The following DPP6 variants were observed in gnomAD, a reference collection of about 807,000 sequenced individuals.
The protein encoded by DPP6 is dipeptidyl peptidase like 6.
Under a neutral mutation model 122.6 loss-of-function variants are expected in DPP6, and 69 were observed. The observed-to-expected ratio is 0.56, with a 90% CI of 0.46 to 0.69. DPP6 has a LOEUF of 0.69. DPP6 is among the 30% of genes least tolerant of loss of function. The pLI is 0.00. For missense variants in DPP6, 928 were observed against 1,116.9 expected (o/e 0.83, Z 2.41); for synonymous variants, 418 against 433.1 (o/e 0.97, Z 0.43).
rs190423238 is a variant in DPP6, at chr7:154,401,243, G to A, written c.244-44971G>A. On this transcript the variant is annotated intron_variant, in intron 1 of 25. Transcript: ENST00000377770. ...AAAAAAAAAACAGGTATTACTGGCT[G>A]CCCCCTTTGGAAACAGTACACCAAA... Among the ~76,000 whole-genome samples, 713 of 151,738 alleles carry A rather than the reference G, an allele frequency of 4.7e-3. 2 individuals are homozygous for A. The highest frequency in any genetic ancestry group is 0.01 in the Middle Eastern group (3 of 290).
intron 16 of DPP6, among the ~76,000 whole-genome samples, chr7:154,839,655 G>A (rs1801360898): frequency 6.6e-6 from 1 of 152,200 alleles, no homozygotes; most frequent in Non-Finnish European, 1.5e-5. Flanking sequence ...GAGGCAGAGA[G>A]CCATCACAGA....
At chr7:154,553,050 G>T (rs1291372958) in intron 4 of DPP6, among the ~76,000 whole-genome samples, 1 of 152,164 alleles carries the variant, frequency 6.6e-6, no homozygotes. Context: ...TTTTGAGCTG[G>T]TTAGAATTTA....
chr7:154,305,195 C>T, intron 1 of DPP6: 2 of 1,059,108 alleles, frequency 1.9e-6, no homozygotes, highest in Non-Finnish European at 1.1e-6. Context: ...CGCCACTTGC[C>T]GGTTGCTAAG....
intron 1 of DPP6, among the ~76,000 whole-genome samples, chr7:154,262,277 G>A (rs1236735596): frequency 2.6e-5 from 4 of 152,270 alleles, no homozygotes; most frequent in Admixed American, 1.3e-4. Flanking sequence ...AATTGGTTGT[G>A]AGGACCTCAG....
At chr7:154,819,813 A>C (rs1247982521) in intron 16 of DPP6, among the ~76,000 whole-genome samples, 1 of 152,266 alleles carries the variant, frequency 6.6e-6, no homozygotes, top group Non-Finnish European at 1.5e-5. Context: ...AGCCAGACAC[A>C]AGGGAATGTA....
chr7:154,727,734 T>C, intron 7 of DPP6, 33 bp from the exon 8 acceptor site: 1 of 1,577,342 alleles, frequency 6.3e-7, no homozygotes, highest in Non-Finnish European at 8.6e-7. Flanking sequence ...ACTTCCTTGC[T>C]TAATATTATG....
chr7:154,601,675 C>T (rs1469388495), intron 5 of DPP6, among the ~76,000 whole-genome samples: 1 of 119,842 alleles, frequency 8.3e-6, no homozygotes, highest in Non-Finnish European at 1.9e-5. Flanking sequence ...GTGAGACAAT[C>T]TCTATCTTTT....
At chr7:154,333,589 T>C (rs867613779) in intron 1 of DPP6, among the ~76,000 whole-genome samples, 11 of 151,738 alleles carry the variant, frequency 7.2e-5, no homozygotes, top group Admixed American at 2.6e-4. Flanking sequence ...TTGGTTAATC[T>C]CCATGGCTCA....
chr7:154,296,008 T>A (rs1007801043), intron 1 of DPP6, among the ~76,000 whole-genome samples: 2 of 149,544 alleles, frequency 1.3e-5, no homozygotes, highest in Non-Finnish European at 3.0e-5. Context: ...GCAGTGGTGC[T>A]ATCTCGGCTC....
intron 1 of DPP6, among the ~76,000 whole-genome samples, chr7:153,893,710 A>C (rs1799298920): frequency 6.6e-6 from 1 of 152,278 alleles, no homozygotes. Context: ...TATAGAGAGC[A>C]ATCTCTCAAC....
intron 1 of DPP6, among the ~76,000 whole-genome samples, chr7:154,170,185 C>G (rs896415471): frequency 1.3e-5 from 2 of 152,168 alleles, no homozygotes; most frequent in Non-Finnish European, 2.9e-5. Flanking sequence ...CAAAGCCACC[C>G]TTGCCGCAGC....
At chr7:154,446,187 G>A (rs763900073) in intron 1 of DPP6, 27 bp from the exon 2 acceptor site, 4 of 1,431,828 alleles carry the variant, frequency 2.8e-6, no homozygotes, top group Non-Finnish European at 3.9e-6. Context: ...CACTCACTGG[G>A]GTTTTCTTTG....
intron 1 of DPP6, among the ~76,000 whole-genome samples, chr7:154,103,022 G>C (rs1052521896): frequency 6.6e-6 from 1 of 152,016 alleles, no homozygotes; most frequent in African/African-American, 2.4e-5. Context: ...CAGAGGGTTG[G>C]CCTGGTTAGC....
chr7:153,783,729 T>C, the DPP6 span, among the ~76,000 whole-genome samples: 1 of 152,222 alleles, frequency 6.6e-6, no homozygotes, highest in Non-Finnish European at 1.5e-5. Context: ...TTGAAAACTG[T>C]CACTATTGAC....
At chr7:154,765,751 G>A (rs1402852846) in intron 8 of DPP6, among the ~76,000 whole-genome samples, 2 of 152,162 alleles carry the variant, frequency 1.3e-5, no homozygotes, top group East Asian at 1.9e-4. Context: ...CCCCCAGCAG[G>A]ACAGGGAAGG....
intron 1 of DPP6, among the ~76,000 whole-genome samples, chr7:154,377,520 C>A (rs1055375392): frequency 6.6e-6 from 1 of 152,156 alleles, no homozygotes; most frequent in Non-Finnish European, 1.5e-5. Flanking sequence ...CCAGGAAGGA[C>A]CAGGTTGGAG....
At chr7:153,884,874 G>A (rs528350796), upstream of DPP6, among the ~76,000 whole-genome samples, 23 of 151,346 alleles carry the variant, frequency 1.5e-4, no homozygotes, top group Non-Finnish European at 1.9e-4. Context: ...CAGCTACTTG[G>A]GAGGCTGAGG....
intron 3 of DPP6, among the ~76,000 whole-genome samples, chr7:154,510,961 CACA>C (rs1563783044): frequency 6.7e-6 from 1 of 150,118 alleles, no homozygotes; most frequent in Non-Finnish European, 1.5e-5. Flanking sequence ...CACACACACA[CACA>C]CACACACAGA....
chr7:153,997,731 G>A (rs2533572), intron 1 of DPP6, among the ~76,000 whole-genome samples: 1,412 of 126,922 alleles, frequency 0.011, 9 homozygotes, highest in African/African-American at 0.026. Flanking sequence ...AGCATCCAGC[G>A]ACAAAAAGCT....
Sources: gnomAD v4.1 joint callset for allele counts (sites outside exome capture counted in the v4.1 genomes callset) on GRCh38, gnomAD v4.1.1 for gene constraint, MANE v1.5 for transcripts, NCBI Gene and HGNC (gene_info 2026-07-23, HGNC 2026-07-21) for gene names.